The following NNT variants were observed in gnomAD, a reference collection of about 807,000 sequenced individuals.
The protein encoded by NNT is NAD(P) transhydrogenase, mitochondrial.
NNT carries 50 observed loss-of-function variants against 104.8 expected under a neutral mutation model. The observed-to-expected ratio is 0.48, with a 90% CI of 0.38 to 0.60. The LOEUF is 0.60. Ranked by LOEUF, NNT falls within the 20% of genes least tolerant of loss-of-function variation. The pLI, the probability that NNT is intolerant of heterozygous loss-of-function variation, is 0.00. For synonymous variants in NNT, 461 were observed against 490.4 expected (o/e 0.94, Z 0.79); for missense variants, 1,131 against 1,330.7 (o/e 0.85, Z 2.33).
chr5:43,689,039 C>T (rs182884152), intron 19 of NNT, among the ~76,000 whole-genome samples: 2 of 152,326 alleles, frequency 1.3e-5, no homozygotes, highest in African/African-American at 2.4e-5. Flanking sequence ...CTTTTCACTA[C>T]ATCCCCACCA....
In NNT at chr5:43,700,202, T is replaced by C; in HGVS notation, c.2960T>C (p.Val987Ala). Residue 987 changes from valine (V) to alanine (A), a missense_variant, in exon 20 of 22, where the codon GTG (valine) becomes GCG (alanine). Coordinates refer to ENST00000344920, the MANE Select transcript of NNT (RefSeq NM_182977.3). The part of the protein sequence containing the change: ...LAEAGVPYDI[V>A]LEMDEINHDF... ...GAGGCTGGTGTGCCATATGACATTG[T>C]GTTGGAAATGGATGAGATCAACCAT... is the stretch of plus-strand genomic sequence containing the variant. The C allele has an allele frequency of 1.2e-6, 2 of 1,613,694 alleles. No homozygotes were observed. Among genetic ancestry groups the C allele is most frequent in the Non-Finnish European group, 1.7e-6 (2 of 1,179,752 alleles).
intron 4 of NNT, among the ~76,000 whole-genome samples, chr5:43,616,544 A>G (rs1330375368): frequency 5.9e-5 from 9 of 152,388 alleles, no homozygotes; most frequent in Non-Finnish European, 1.2e-4. Flanking sequence ...GGTCTGGACT[A>G]GAGGAAGTTT....
At chr5:43,672,312 T>C (rs555307682) in intron 17 of NNT, among the ~76,000 whole-genome samples, 1 of 152,136 alleles carries the variant, frequency 6.6e-6, no homozygotes, top group East Asian at 1.9e-4. Flanking sequence ...TCCAGCTTTG[T>C]TCCATTGCTG....
intron 21 of NNT, among the ~76,000 whole-genome samples, chr5:43,703,191 C>A (rs1742948211): frequency 1.3e-5 from 2 of 152,140 alleles, no homozygotes; most frequent in Admixed American, 1.3e-4. Context: ...GAAATCCAAA[C>A]AATAATGTGG....
intron 19 of NNT, among the ~76,000 whole-genome samples, chr5:43,685,314 G>A (rs1276780504): frequency 6.6e-6 from 1 of 152,106 alleles, no homozygotes; most frequent in Non-Finnish European, 1.5e-5. Context: ...GTATTGGGAA[G>A]GCAGAATTCC....
intron 6 of NNT, among the ~76,000 whole-genome samples, chr5:43,627,036 C>G (rs1471891071): frequency 6.6e-6 from 1 of 152,138 alleles, no homozygotes; most frequent in Admixed American, 6.5e-5. Flanking sequence ...ATTATTTCTT[C>G]TAACTGAGAA....
rs199954130 is a variant in NNT at position 43,642,188 on chromosome 5, GAGA to G, written c.965-2000_965-1998del. Among the ~76,000 whole-genome samples the G allele has an allele frequency of 6.9e-3, 1,053 of 152,308 alleles. 3 individuals carry two copies. Among genetic ancestry groups the G allele is most frequent in the Non-Finnish European group, 9.8e-3 (666 of 68,030 alleles). On this transcript the variant is annotated intron_variant, in intron 7 of 21. Coordinates refer to ENST00000344920, the MANE Select transcript of NNT (RefSeq NM_182977.3). ...TGTGCTAAACAACAGCTGATAAATA[GAGA>G]AGAGGCTCTGGCCCTAGAGGGTGGG...
At chr5:43,624,206 A>G (rs1750245883) in intron 6 of NNT, 86 bp downstream of exon 6, 1 of 1,154,588 alleles carries the variant, frequency 8.7e-7, no homozygotes, top group Non-Finnish European at 1.3e-6. Context: ...TTGTAAATTG[A>G]AGTAGCACAT....
chr5:43,666,806 C>G, intron 17 of NNT: 1 of 1,333,842 alleles, frequency 7.5e-7, no homozygotes, highest in East Asian at 2.3e-5. Flanking sequence ...CCTTTGGGAG[C>G]CTGAGCTGGA....
At chr5:43,671,508 T>G (rs1192114410) in intron 17 of NNT, among the ~76,000 whole-genome samples, 1 of 152,162 alleles carries the variant, frequency 6.6e-6, no homozygotes, top group Admixed American at 6.6e-5. Flanking sequence ...GCATTTGCTT[T>G]TCTGTAAAGG....
chr5:43,692,659 G>T (rs1432706971), intron 19 of NNT, among the ~76,000 whole-genome samples: 2 of 152,150 alleles, frequency 1.3e-5, no homozygotes, highest in South Asian at 2.1e-4. Context: ...TCTTTATTAT[G>T]ATGATTGCAA....
In NNT at chr5:43,655,797, A is replaced by G. The variant is rs761876149; in HGVS notation, c.2060-43A>G. 14 of 1,453,270 alleles carry G rather than the reference A, an allele frequency of 9.6e-6. No homozygotes were observed. The South Asian group carries it at 1.6e-4, about 17-fold the overall frequency. 90.0% of individuals were successfully genotyped at this position (1,453,270 alleles called of 1,614,324 possible). Reference sequence around the variant, plus strand: ...TGATCTTTGTTGTGGTTACTTCTCAAAAGTTTGTCAAGTTTTAATTTATTT... The same window carrying G: ...TGATCTTTGTTGTGGTTACTTCTCAGAAGTTTGTCAAGTTTTAATTTATTT... On this transcript the variant is annotated intron_variant, in intron 14 of 21. Coordinates refer to ENST00000344920, the MANE Select transcript of NNT (RefSeq NM_182977.3).
At chr5:43,614,824 C>T (rs1258054310) in intron 3 of NNT, among the ~76,000 whole-genome samples, 4 of 152,200 alleles carry the variant, frequency 2.6e-5, no homozygotes, top group African/African-American at 9.7e-5. Context: ...ATTTAAAATA[C>T]AGTTTTAAAA....
At chr5:43,630,826 C>T (rs1750635886) in intron 7 of NNT, among the ~76,000 whole-genome samples, 1 of 152,110 alleles carries the variant, frequency 6.6e-6, no homozygotes, top group African/African-American at 2.4e-5. Context: ...GAAAGTGGGT[C>T]ATATAATGAG....
rs201881831 is a variant in NNT at position 43,615,826 on chromosome 5, T to A, written c.382-22T>A. 173 of 1,551,106 alleles carry A rather than the reference T, an allele frequency of 1.1e-4. 1 individual carries two copies. The African/African-American group carries it at 2.1e-3, about 18-fold the overall frequency. On this transcript the variant is annotated intron_variant, in intron 3 of 21. Coordinates refer to ENST00000344920, the MANE Select transcript of NNT (RefSeq NM_182977.3). ...GATTAAAGTATTTATATTTATAATC[T>A]GTGACTTGATTTTTTCCCCAGGTGC...
intron 19 of NNT, among the ~76,000 whole-genome samples, chr5:43,696,851 G>A (rs562847747): frequency 6.6e-6 from 1 of 152,246 alleles, no homozygotes; most frequent in Admixed American, 6.5e-5. Context: ...TGAGACACAG[G>A]GCACCAAGTC....
intron 19 of NNT, among the ~76,000 whole-genome samples, chr5:43,690,980 TAAG>T (rs1279370624): frequency 6.6e-6 from 1 of 152,230 alleles, no homozygotes; most frequent in Non-Finnish European, 1.5e-5. Flanking sequence ...TCTGTGCAAA[TAAG>T]AAATATTTGG....
At position 43,675,654 on chromosome 5, in the gene NNT, C is replaced by CTTCT; in HGVS notation, c.2778_2779insTTCT (p.Ile927PhefsTer21). 1 of 1,603,494 alleles carries CTTCT rather than the reference C, an allele frequency of 6.2e-7. No homozygotes were observed. Among genetic ancestry groups the CTTCT allele is most frequent in the South Asian group, 1.1e-5 (1 of 89,060 alleles). ...TTGACATGATTCGAGAAGCTAATAG[C>CTTCT]ATTATTATTACACCAGGTAAAGAAA... On this transcript the variant is annotated frameshift_variant, in exon 18 of 22. Coordinates refer to ENST00000344920, the MANE Select transcript of NNT (RefSeq NM_182977.3). LOFTEE classifies it high-confidence loss of function.
intron 17 of NNT, among the ~76,000 whole-genome samples, chr5:43,663,182 C>T (rs1483785274): frequency 1.3e-5 from 2 of 152,020 alleles, no homozygotes; most frequent in Non-Finnish European, 2.9e-5. Context: ...TATTCAAATT[C>T]ATATTAGTTG....
Sources: allele counts gnomAD v4.1 joint callset (sites outside exome capture counted in the v4.1 genomes callset), GRCh38; gene constraint gnomAD v4.1.1; transcripts MANE v1.5; gene names NCBI Gene and HGNC (gene_info 2026-07-23, HGNC 2026-07-21).